Variants in KCNH6 observed in about 807,000 individuals in gnomAD.
The protein encoded by KCNH6 is potassium voltage-gated channel subfamily H member 6, also known as voltage-gated inwardly rectifying potassium channel KCNH6.
Under a neutral mutation model 83.4 loss-of-function variants are expected in KCNH6, and 81 were observed. That is an observed-to-expected ratio of 0.97 (90% CI 0.81 to 1.17). KCNH6 has a LOEUF of 1.17. Ranked by LOEUF, KCNH6 falls within the 50% of genes most tolerant of loss-of-function variation. The pLI is 0.00. For missense variants in KCNH6, 1,203 were observed against 1,290.5 expected, an observed-to-expected ratio of 0.93 and a Z score of 1.04; for synonymous variants, 503 against 545.6, an observed-to-expected ratio of 0.92 and a Z score of 1.09.
At position 63,524,314 on chromosome 17, in the gene KCNH6, G is replaced by A. The variant is rs754783360; in HGVS notation, c.252G>A (p.Gln84=). The part of the protein sequence containing the change: ...TPSSAVSRLA[Q]ALLGAEECKV... ...GCAGCGCCGTGTCCCGCCTAGCGCAGGCCCTGCTGGGGGCTGAGGAGTGCA... is the reference window on the plus strand; with the variant it reads ...GCAGCGCCGTGTCCCGCCTAGCGCAAGCCCTGCTGGGGGCTGAGGAGTGCA... The change falls in exon 2 of 13, where the codon CAG becomes CAA. Residue 84 remains glutamine (Q), a synonymous_variant. Coordinates refer to ENST00000314672, the MANE Select transcript of KCNH6 (RefSeq NM_001278919.2). 6.2e-7 allele frequency: 1 copy of A among 1,613,946 alleles called. No individual in the cohort carries two copies. Among genetic ancestry groups the A allele is most frequent in the Non-Finnish European group, 8.5e-7 (1 of 1,180,008 alleles).
rs775023443 is a variant in KCNH6, at chr17:63,530,432, G to C, written c.565G>C (p.Val189Leu). Residue 189 changes from valine to leucine, a missense_variant, in exon 4 of 13, where the codon GTG (valine) becomes CTG (leucine). Coordinates refer to ENST00000314672, the MANE Select transcript of KCNH6 (RefSeq NM_001278919.2). ...GATCCCACAGTTCACGCTCAACTTC[G>C]TGGAGTTCAACTTGGAGAAGCACCG... is the stretch of plus-strand genomic sequence containing the variant. ...SQIPQFTLNF[V>L]EFNLEKHRSS... 2 of 1,614,110 alleles carry C rather than the reference G, an allele frequency of 1.2e-6. No individual in the cohort carries two copies. Among genetic ancestry groups the C allele is most frequent in the Admixed American group, 3.3e-5 (2 of 60,006 alleles).
At chr17:63,529,830 C>G (rs754195812) in intron 2 of KCNH6, among the ~76,000 whole-genome samples, 3 of 152,200 alleles carry the variant, frequency 2.0e-5, no homozygotes, top group Admixed American at 1.3e-4. Context: ...AGCTGATGGC[C>G]GAGCGTGGAC....
At chr17:63,532,563 G>A (rs977315021) in intron 4 of KCNH6, among the ~76,000 whole-genome samples, 7 of 152,224 alleles carry the variant, frequency 4.6e-5, no homozygotes, top group Non-Finnish European at 1.0e-4. Context: ...AGTACGAGGT[G>A]AGGCCTCAAG....
intron 9 of KCNH6, among the ~76,000 whole-genome samples, chr17:63,542,812 C>G (rs2032939879): frequency 6.6e-6 from 1 of 152,196 alleles, no homozygotes; most frequent in African/African-American, 2.4e-5. Context: ...CCTACTACAT[C>G]ATACCAAGCT....
In KCNH6 at chr17:63,523,770, C is replaced by T. The variant is rs1230911692; in HGVS notation, c.76+281C>T. On this transcript the variant is annotated intron_variant, in intron 1 of 12. Coordinates refer to ENST00000314672, the MANE Select transcript of KCNH6 (RefSeq NM_001278919.2). This position sits in a 1 kb window ranked among gnomAD's most constrained non-coding sequence, Gnocchi z 4.2. Reference sequence around the variant, plus strand: ...CCCAAGTTCGAACCTCCCCTTCCAGCCACTGCCTGCCCCCTCATCCGCGTC... The same window carrying T: ...CCCAAGTTCGAACCTCCCCTTCCAGTCACTGCCTGCCCCCTCATCCGCGTC... Among the ~76,000 whole-genome samples the T allele has an allele frequency of 1.3e-5, 2 of 152,132 alleles. No individual in the cohort carries two copies. Among genetic ancestry groups the T allele is most frequent in the Admixed American group, 1.3e-4 (2 of 15,280 alleles).
chr17:63,536,119 T>A, intron 6 of KCNH6, 51 bp downstream of exon 6: 1 of 1,501,868 alleles, frequency 6.7e-7, no homozygotes, highest in East Asian at 2.3e-5. Flanking sequence ...GTCTTACCCG[T>A]GAAATTTTAT....
chr17:63,531,596 T>C (rs1163133390), intron 4 of KCNH6, among the ~76,000 whole-genome samples: 1 of 152,202 alleles, frequency 6.6e-6, no homozygotes, highest in African/African-American at 2.4e-5. Flanking sequence ...ACTCAGCACC[T>C]CACTGACCTC....
chr17:63,542,558 T>C, intron 9 of KCNH6, 124 bp downstream of exon 9: 1 of 804,146 alleles, frequency 1.2e-6, no homozygotes. Context: ...CCATAATTTC[T>C]TTTGTGCCTA....
rs1034037293 is a variant in KCNH6, at chr17:63,534,858, C to T, written c.1101+547C>T. On this transcript the variant is annotated intron_variant, in intron 5 of 12. Transcript: ENST00000314672. This position sits in a 1 kb window ranked among gnomAD's most constrained non-coding sequence, Gnocchi z 5.0. ...TGTGTTCCAGTGCCCCCTTATCACC[C>T]CAGCCTGTCCAGCAGGGGGTGTCCA... 1.3e-5 allele frequency among the ~76,000 whole-genome samples: 2 copies of T among 152,112 alleles called. No individual in the cohort carries two copies. The highest frequency in any genetic ancestry group is 2.4e-5 in the African/African-American group (1 of 41,404).
In KCNH6 at chr17:63,534,311, G is replaced by A; in HGVS notation, c.1101G>A (p.Glu367=). The A allele has an allele frequency of 6.2e-7, 1 of 1,607,744 alleles. No homozygotes were observed. The change falls in exon 5 of 13, where the codon GAG becomes GAA. Residue 367 remains glutamate, a splice_region_variant and synonymous_variant. Coordinates refer to ENST00000314672, the MANE Select transcript of KCNH6 (RefSeq NM_001278919.2). The surrounding 1 kb of genome is among the most constrained non-coding windows in gnomAD (Gnocchi z 5.0). ...DLLIFRTGSD[E]TTTLIGLLKT... is the part of the protein sequence containing the mutation. The stretch of plus-strand genomic sequence containing the variant: ...TGATCTTCCGCACTGGCTCCGATGA[G>A]GTGAGCAGACCCCCTCCAGGCCAGC...
rs372414827 is a variant in KCNH6, at chr17:63,545,610, C to A, written c.2585C>A (p.Thr862Asn). The A allele has an allele frequency of 6.2e-7, 1 of 1,612,142 alleles. No homozygotes were observed. The highest frequency in any genetic ancestry group is 8.5e-7 in the Non-Finnish European group (1 of 1,178,854). ...ATCCCTCTTTCTTGCTCCTCCCAGA[C>A]CCCAAGCTATGGAGACTTGGATGAC... ...LPQGFLPPAQTPSYGDLDDCS... is the reference protein window; with the variant it reads ...LPQGFLPPAQNPSYGDLDDCS... Residue 862 changes from threonine (T) to asparagine (N), a missense_variant and splice_region_variant, in exon 13 of 13, where the codon ACC (threonine) becomes AAC (asparagine). Coordinates refer to ENST00000314672, the MANE Select transcript of KCNH6 (RefSeq NM_001278919.2).
In KCNH6 at chr17:63,540,651, G is replaced by T. The variant is rs118010846; in HGVS notation, c.1955-1590G>T. Reference sequence around the variant, plus strand: ...GTTTCATGTGTGACCCTGGCAAGCCGCTTCCCTCTCCAGGCCTCAGCCCCC... The same window carrying T: ...GTTTCATGTGTGACCCTGGCAAGCCTCTTCCCTCTCCAGGCCTCAGCCCCC... On this transcript the variant is annotated intron_variant, in intron 8 of 12. Coordinates refer to ENST00000314672, the MANE Select transcript of KCNH6 (RefSeq NM_001278919.2). Among the ~76,000 whole-genome samples, 4 of 152,188 alleles carry T rather than the reference G, an allele frequency of 2.6e-5. No homozygotes were observed. The East Asian group carries it at 5.8e-4, about 22-fold the overall frequency.
chr17:63,544,617 G>A (rs372746814), intron 11 of KCNH6, among the ~76,000 whole-genome samples: 3 of 152,116 alleles, frequency 2.0e-5, no homozygotes, highest in African/African-American at 7.2e-5. Context: ...CGGGGGAGGG[G>A]CACAACCATG....
intron 2 of KCNH6, among the ~76,000 whole-genome samples, chr17:63,527,491 C>A (rs1035291817): frequency 6.6e-6 from 1 of 152,130 alleles, no homozygotes; most frequent in African/African-American, 2.4e-5. Flanking sequence ...TGGGGTCTCC[C>A]AGGGGAGAGA....
At position 63,530,272 on chromosome 17, in the gene KCNH6, G is replaced by C; in HGVS notation, c.469+20G>C. 6.2e-7 allele frequency: 1 copy of C among 1,613,806 alleles called. No individual in the cohort carries two copies. The highest frequency in any genetic ancestry group is 8.5e-7 in the Non-Finnish European group (1 of 1,179,740). ...GCTCCGGTGAGGCAGAGTGAGGGTG[G>C]TGGTGGGAGGGACGCATGAGGGTCC... On this transcript the variant is annotated intron_variant, in intron 3 of 12. Transcript: ENST00000314672.
rs369961665 is a variant in KCNH6 at position 63,535,915 on chromosome 17, G to A, written c.1348G>A (p.Gly450Ser). 88 of 1,613,922 alleles carry A rather than the reference G, an allele frequency of 5.5e-5. No individual in the cohort carries two copies. The highest frequency in any genetic ancestry group is 1.6e-4 in the Middle Eastern group (1 of 6,084). The change falls in exon 6 of 13, where the codon GGC (glycine) becomes AGC (serine). Residue 450 changes from glycine to serine, a missense_variant. By Grantham distance (56) the Gly-to-Ser change is moderately conservative. Coordinates refer to ENST00000314672, the MANE Select transcript of KCNH6 (RefSeq NM_001278919.2). This position sits in a 1 kb window ranked among gnomAD's most constrained non-coding sequence, Gnocchi z 4.9. ...LGVQLGKRYNGSDPASGPSVQ... is the reference protein window; with the variant it reads ...LGVQLGKRYNSSDPASGPSVQ... ...TGTGCAGCTTGGCAAGCGCTACAAC[G>A]GCAGCGACCCAGCCTCGGGCCCCTC...
rs1239839683 is a variant in KCNH6, at chr17:63,530,358, G to C, written c.491G>C (p.Gly164Ala). 2 of 1,614,128 alleles carry C rather than the reference G, an allele frequency of 1.2e-6. No homozygotes were observed. Among genetic ancestry groups the C allele is most frequent in the East Asian group, 2.2e-5 (1 of 44,878 alleles). The part of the protein sequence containing the change: ...LGSEGSHGRP[G>A]GPGPGTGRGK... ...TCAGAGGGCTCTCATGGCAGGCCAG[G>C]CGGACCAGGGCCAGGCACAGGCAGG... is the stretch of plus-strand genomic sequence containing the variant. Residue 164 changes from glycine (G) to alanine (A), a missense_variant, in exon 4 of 13, where the codon GGC becomes GCC. Gly to Ala is a moderately conservative substitution (Grantham distance 60). Coordinates refer to ENST00000314672, the MANE Select transcript of KCNH6 (RefSeq NM_001278919.2).
At chr17:63,542,091 C>A in intron 8 of KCNH6, 150 bp from the exon 9 acceptor site, 1 of 739,500 alleles carries the variant, frequency 1.4e-6, no homozygotes, top group South Asian at 1.8e-5. Context: ...CCACAGCCAG[C>A]ACATCCAGCC....
intron 8 of KCNH6, 33 bp from the exon 9 acceptor site, chr17:63,542,208 C>A (rs769884893): frequency 2.9e-5 from 46 of 1,607,070 alleles, no homozygotes; most frequent in Non-Finnish European, 3.7e-5. Flanking sequence ...TGGAGTCAGA[C>A]CCTGAAGAGA....
Sources: allele counts gnomAD v4.1 joint callset (sites outside exome capture counted in the v4.1 genomes callset), GRCh38; gene constraint gnomAD v4.1.1; non-coding constraint Gnocchi (gnomAD v3.1); transcripts MANE v1.5; gene names NCBI Gene and HGNC (gene_info 2026-07-23, HGNC 2026-07-21).